Variants in KCNT2 observed in about 807,000 individuals in gnomAD.
KCNT2 encodes potassium sodium-activated channel subfamily T member 2, also known as potassium channel subfamily T member 2.
Under a neutral mutation model 153.8 loss-of-function variants are expected in KCNT2, and 67 were observed. The ratio of observed to expected loss-of-function variants is 0.44; its 90% confidence interval spans 0.36 to 0.53. The LOEUF is 0.53. Among genes scored for constraint, KCNT2 ranks in the 20% least tolerant of loss-of-function variants. KCNT2 has a pLI of 0.00. For missense variants in KCNT2, 975 were observed against 1,354.8 expected, an observed-to-expected ratio of 0.72 and a Z score of 4.40; for synonymous variants, 500 against 458.8, an observed-to-expected ratio of 1.09 and a Z score of -1.15.
At chr1:196,501,980 A>G (rs1409824159) in intron 1 of KCNT2, among the ~76,000 whole-genome samples, 2 of 152,096 alleles carry the variant, frequency 1.3e-5, no homozygotes, top group South Asian at 2.1e-4. Context: ...CTAGCGGGGC[A>G]TGGCGGCGGG....
chr1:196,489,972 G>T, intron 2 of KCNT2, 35 bp from the exon 3 acceptor site: 1 of 980,486 alleles, frequency 1.0e-6, no homozygotes, highest in Non-Finnish European at 1.5e-6. Flanking sequence ...ATTTTCATCT[G>T]AACTTAGTTC....
intron 27 of KCNT2, among the ~76,000 whole-genome samples, chr1:196,234,376 G>T (rs1654229327): frequency 1.3e-5 from 2 of 150,360 alleles, no homozygotes; most frequent in Non-Finnish European, 3.0e-5. Flanking sequence ...CACACAGTTT[G>T]AAACCCTAAA....
intron 26 of KCNT2, among the ~76,000 whole-genome samples, chr1:196,243,431 A>G (rs1427483239): frequency 6.6e-6 from 1 of 152,212 alleles, no homozygotes; most frequent in Non-Finnish European, 1.5e-5. Context: ...TGTCACTGAA[A>G]GAGGCACTAA....
At chr1:196,597,043 G>A (rs1185153827) in intron 1 of KCNT2, among the ~76,000 whole-genome samples, 2 of 152,212 alleles carry the variant, frequency 1.3e-5, no homozygotes, top group South Asian at 2.1e-4. Flanking sequence ...TTTACTTTGG[G>A]CACTTGTGGA....
intron 12 of KCNT2, among the ~76,000 whole-genome samples, chr1:196,405,554 C>T (rs999841701): frequency 2.0e-5 from 3 of 151,456 alleles, no homozygotes; most frequent in African/African-American, 7.3e-5. Context: ...CATTAAAGAA[C>T]TCAGACATTT....
intron 9 of KCNT2, 90 bp downstream of exon 9, chr1:196,429,487 A>C: frequency 2.5e-6 from 2 of 789,152 alleles, no homozygotes; most frequent in Non-Finnish European, 3.9e-6. Flanking sequence ...GTGTTAGATA[A>C]ATAAGCCACT....
chr1:196,352,712 C>T (rs1666834049), intron 14 of KCNT2, among the ~76,000 whole-genome samples: 1 of 152,052 alleles, frequency 6.6e-6, no homozygotes, highest in Admixed American at 6.6e-5. Flanking sequence ...TCTGTCAGTT[C>T]TGCTCTGATT....
chr1:196,512,347 A>C (rs781229125), intron 1 of KCNT2, among the ~76,000 whole-genome samples: 1 of 152,098 alleles, frequency 6.6e-6, no homozygotes. Context: ...TTCCAGCTCA[A>C]TCCATTTCCC....
intron 17 of KCNT2, among the ~76,000 whole-genome samples, chr1:196,332,855 G>T (rs1235962319): frequency 6.7e-6 from 1 of 149,942 alleles, no homozygotes; most frequent in Non-Finnish European, 1.5e-5. Context: ...CAGGATCTTA[G>T]CTTACTGCAA....
At chr1:196,288,163 C>G (rs1006200387) in intron 22 of KCNT2, among the ~76,000 whole-genome samples, 1 of 116,434 alleles carries the variant, frequency 8.6e-6, no homozygotes, top group Non-Finnish European at 1.7e-5. Flanking sequence ...AAATAAAACG[C>G]TTGAGAGACT....
intron 26 of KCNT2, among the ~76,000 whole-genome samples, chr1:196,241,361 T>C (rs1654945145): frequency 1.3e-5 from 2 of 152,158 alleles, no homozygotes; most frequent in South Asian, 4.2e-4. Context: ...TATCCACCTA[T>C]AAAACTGGCT....
chr1:196,569,544 A>C (rs1363454912), intron 1 of KCNT2, among the ~76,000 whole-genome samples: 4 of 152,282 alleles, frequency 2.6e-5, no homozygotes, highest in Middle Eastern at 3.4e-3. Context: ...CATTTGTTTC[A>C]GTCTCTATTT....
At chr1:196,488,437 T>C (rs1456614157) in intron 3 of KCNT2, among the ~76,000 whole-genome samples, 1 of 151,910 alleles carries the variant, frequency 6.6e-6, no homozygotes, top group Admixed American at 6.6e-5. Flanking sequence ...CAAACATTCT[T>C]AGTGATATTA....
chr1:196,563,207 G>A (rs1390771416), intron 1 of KCNT2, among the ~76,000 whole-genome samples: 1 of 151,740 alleles, frequency 6.6e-6, no homozygotes, highest in Non-Finnish European at 1.5e-5. Context: ...GTATTTTTTT[G>A]TTGTTTTGGT....
chr1:196,510,387 C>T (rs1023003277), intron 1 of KCNT2, among the ~76,000 whole-genome samples: 1 of 152,146 alleles, frequency 6.6e-6, no homozygotes, highest in Non-Finnish European at 1.5e-5. Flanking sequence ...AACAATGAAA[C>T]TGCTCCAGGC....
chr1:196,390,697 A>T (rs1291413993), intron 13 of KCNT2, among the ~76,000 whole-genome samples: 1 of 137,198 alleles, frequency 7.3e-6, no homozygotes, highest in African/African-American at 2.5e-5. Context: ...ACTTCTCCAA[A>T]AAAATCTTAG....
intron 8 of KCNT2, among the ~76,000 whole-genome samples, chr1:196,451,657 C>A (rs781222001): frequency 6.6e-6 from 1 of 151,526 alleles, no homozygotes; most frequent in African/African-American, 2.4e-5. Context: ...TAATATACTT[C>A]TTATAAGGAG....
intron 1 of KCNT2, among the ~76,000 whole-genome samples, chr1:196,593,799 C>T (rs1332153139): frequency 2.0e-5 from 3 of 152,018 alleles, no homozygotes; most frequent in Non-Finnish European, 2.9e-5. Flanking sequence ...TTTTGAATAG[C>T]GTACCTTCTA....
intron 22 of KCNT2, among the ~76,000 whole-genome samples, chr1:196,286,910 C>G (rs1659723461): frequency 6.6e-6 from 1 of 151,956 alleles, no homozygotes; most frequent in African/African-American, 2.4e-5. Context: ...AAGACTGATA[C>G]AGCTGAAAAT....
Sources: allele counts gnomAD v4.1 joint callset (sites outside exome capture counted in the v4.1 genomes callset), GRCh38; gene constraint gnomAD v4.1.1; transcripts MANE v1.5; gene names NCBI Gene and HGNC (gene_info 2026-07-23, HGNC 2026-07-21).